Variants in BUB1 observed in about 807,000 individuals in gnomAD.
BUB1 encodes the protein mitotic checkpoint serine/threonine-protein kinase BUB1.
BUB1 carries 84 observed loss-of-function variants against 135.2 expected under a neutral mutation model. The observed-to-expected ratio is 0.62, with a 90% CI of 0.52 to 0.74. BUB1 has a LOEUF of 0.74. Ranked by LOEUF, BUB1 falls within the 30% of genes least tolerant of loss-of-function variation. The probability of loss-of-function intolerance (pLI) is 0.00; values close to 1 mark genes in which losing one functional copy is unlikely to be tolerated. For missense variants in BUB1, 1,162 were observed against 1,288.3 expected (o/e 0.90, Z 1.50); for synonymous variants, 403 against 434.4 (o/e 0.93, Z 0.90).
intron 9 of BUB1, among the ~76,000 whole-genome samples, chr2:110,664,597 T>C (rs1574330454): frequency 7.0e-6 from 1 of 141,862 alleles, no homozygotes; most frequent in Admixed American, 7.2e-5. Context: ...TTTTTTTAAA[T>C]AAGCTACTGG....
rs774731986 is a variant in BUB1, at chr2:110,669,453, C to T, written c.567G>A (p.Gln189=). 6.3e-7 allele frequency: 1 copy of T among 1,580,464 alleles called. No homozygotes were observed. The highest frequency in any genetic ancestry group is 8.7e-7 in the Non-Finnish European group (1 of 1,149,472). The stretch of plus-strand genomic sequence containing the variant: ...CACAAGCTACAAATGTCATTATTAC[C>T]TGATTCTTAGAAATGCAGGCCATGT... ...GNNMACISKN[Q]GSELSGVISS... The change falls in exon 6 of 25, where the codon CAG becomes CAA. Residue 189 remains glutamine (Q), a splice_region_variant and synonymous_variant. Transcript: ENST00000302759.
rs766131073 is a variant in BUB1 at position 110,653,464 on chromosome 2, CCAT to C, written c.1933_1935del (p.Met645del). ...AATTTTCCATCCCTTGAAGGCACCACCATGTTTTCCTCACAAGAATCCAAAGTC... is the reference window on the plus strand; with the variant it reads ...AATTTTCCATCCCTTGAAGGCACCACGTTTTCCTCACAAGAATCCAAAGTC... On this transcript the variant is annotated inframe_deletion, in exon 17 of 25. Transcript: ENST00000302759. 2 of 1,613,800 alleles carry C rather than the reference CCAT, an allele frequency of 1.2e-6. No homozygotes were observed. The highest frequency in any genetic ancestry group is 2.7e-5 in the African/African-American group (2 of 74,892).
rs1689394618 is a variant in BUB1, at chr2:110,637,562, A to C, written c.*402T>G. 6.5e-6 allele frequency: 1 copy of C among 154,314 alleles called. No homozygotes were observed. 9.6% of individuals were successfully genotyped at this position (154,314 alleles called of 1,614,324 possible). A position where few individuals can be genotyped will look rare whatever the true frequency, so the allele number is the denominator to read the frequency against. Reference sequence around the variant, plus strand: ...GGCAAGCTTTATTCATAAAAACTTGAAGTCCCTTGGAAATGTTAGGGAAGT... The same window carrying C: ...GGCAAGCTTTATTCATAAAAACTTGCAGTCCCTTGGAAATGTTAGGGAAGT... On this transcript the variant is annotated 3_prime_UTR_variant, in exon 25 of 25. Transcript: ENST00000302759.
In BUB1 at chr2:110,648,503, C is replaced by G. The variant is rs939956287; in HGVS notation, c.2347+731G>C. 6.6e-6 allele frequency among the ~76,000 whole-genome samples: 1 copy of G among 152,044 alleles called. No individual in the cohort carries two copies. The highest frequency in any genetic ancestry group is 6.6e-5 in the Admixed American group (1 of 15,248). ...TCACTGTACTACATTCGTAAAAAAC[C>G]CCACAGGATATACAACCCAAAGAGT... On this transcript the variant is annotated intron_variant, in intron 19 of 24. Coordinates refer to ENST00000302759, the MANE Select transcript of BUB1 (RefSeq NM_004336.5). This position sits in a 1 kb window ranked among gnomAD's most constrained non-coding sequence, Gnocchi z 4.2.
At chr2:110,667,490 A>C in intron 8 of BUB1, 31 bp downstream of exon 8, 1 of 1,575,460 alleles carries the variant, frequency 6.3e-7, no homozygotes, top group Non-Finnish European at 8.6e-7. Context: ...ATGTGACATA[A>C]GAATAACTAA....
intron 1 of BUB1, among the ~76,000 whole-genome samples, chr2:110,675,967 C>T (rs1690570755): frequency 6.6e-6 from 1 of 152,156 alleles, no homozygotes; most frequent in South Asian, 2.1e-4. Context: ...GCAATATTTA[C>T]TTCTAGCTAT....
intron 16 of BUB1, among the ~76,000 whole-genome samples, chr2:110,654,651 T>A (rs947366429): frequency 6.0e-5 from 9 of 148,810 alleles, no homozygotes; most frequent in South Asian, 2.1e-4. Context: ...TTTTTTTTTT[T>A]AATTAAAAGC....
chr2:110,640,000 A>C, intron 23 of BUB1, 152 bp from the exon 24 acceptor site: 1 of 715,374 alleles, frequency 1.4e-6, no homozygotes, highest in Non-Finnish European at 2.5e-6. Flanking sequence ...CCCCACTAAC[A>C]TGTCTTACTG....
intron 16 of BUB1, among the ~76,000 whole-genome samples, chr2:110,654,633 C>CTT (rs57453073): frequency 1.2e-4 from 15 of 126,992 alleles, no homozygotes; most frequent in African/African-American, 2.5e-4. Flanking sequence ...AGGCTTTAAT[C>CTT]TTTTTTTTTT....
intron 9 of BUB1, 118 bp from the exon 10 acceptor site, chr2:110,661,959 G>C: frequency 7.9e-7 from 1 of 1,262,044 alleles, no homozygotes; most frequent in Non-Finnish European, 1.1e-6. Flanking sequence ...CTTTTTCCTT[G>C]AAGTTTCCCC....
Position 110,639,859 on chromosome 2 carries a change from G to A in BUB1, c.2956-11C>T, listed in dbSNP as rs1431450243. The A allele has an allele frequency of 2.5e-6, 4 of 1,597,426 alleles. No homozygotes were observed. In the Admixed American group the frequency reaches 5.0e-5, roughly 20 times the overall value. The stretch of plus-strand genomic sequence containing the variant: ...CCCAAAGTAATCGATCTATGAAGAA[G>A]ATAGAGGTATATATGACTTAAATAG... On this transcript the variant is annotated splice_polypyrimidine_tract_variant and intron_variant, in intron 23 of 24. Transcript: ENST00000302759.
At chr2:110,651,017 G>A (rs1451821506) in intron 17 of BUB1, among the ~76,000 whole-genome samples, 2 of 152,164 alleles carry the variant, frequency 1.3e-5, no homozygotes, top group East Asian at 3.8e-4. Context: ...AATAGGTGAG[G>A]TAATACATGG....
intron 5 of BUB1, 35 bp from the exon 6 acceptor site, chr2:110,669,588 T>A: frequency 7.2e-7 from 1 of 1,381,064 alleles, no homozygotes; most frequent in Non-Finnish European, 1.0e-6. Flanking sequence ...ACGGAGAAAT[T>A]AAGGGTAAAA....
chr2:110,673,377 G>C (rs571606804), intron 3 of BUB1, among the ~76,000 whole-genome samples: 1 of 152,144 alleles, frequency 6.6e-6, no homozygotes, highest in African/African-American at 2.4e-5. Flanking sequence ...AGGGTTGTGC[G>C]AACTCTGCTT....
chr2:110,651,399 A>T (rs569595069), intron 17 of BUB1, among the ~76,000 whole-genome samples: 157 of 152,224 alleles, frequency 1.0e-3, no homozygotes, highest in East Asian at 4.2e-3. Flanking sequence ...GAAAAAAAAA[A>T]TTTTTTTAAT....
chr2:110,642,309 C>T (rs1403662343), intron 19 of BUB1, 75 bp from the exon 20 acceptor site: 3 of 1,023,448 alleles, frequency 2.9e-6, no homozygotes, highest in Non-Finnish European at 4.3e-6. Context: ...AAAGAAGTTA[C>T]AAAGACATAG....
rs140904023 is a variant in BUB1, at chr2:110,640,671, G to C, written c.2955+363C>G. Among the ~76,000 whole-genome samples, 79 of 152,270 alleles carry C rather than the reference G, an allele frequency of 5.2e-4. 1 individual carries two copies. The highest frequency in any genetic ancestry group is 1.8e-3 in the African/African-American group (75 of 41,540). On this transcript the variant is annotated intron_variant, in intron 23 of 24. Transcript: ENST00000302759. The stretch of plus-strand genomic sequence containing the variant: ...CTGGAGTGGGCATGCAGGTCTCCCT[G>C]TTATCCCTGATTTAGGAAATTGGGC...
Position 110,646,167 on chromosome 2 carries a change from CA to C in BUB1, c.2347+3066del, listed in dbSNP as rs1157342273. On this transcript the variant is annotated intron_variant, in intron 19 of 24. Transcript: ENST00000302759. ...ACATAGCGAGAACCCTATCTCTACC[CA>C]AAAAAAAAAAAAAAAAAAAAAGCTG... Among the ~76,000 whole-genome samples, 399 of 54,738 alleles carry C rather than the reference CA, an allele frequency of 7.3e-3. 2 individuals carry two copies. The highest frequency in any genetic ancestry group is 0.021 in the African/African-American group (337 of 16,318). The allele number at this position is 54,738 out of a possible 152,430, so 35.9% of individuals were successfully genotyped here.
At chr2:110,668,901 AAAG>A (rs1228070607) in intron 6 of BUB1, among the ~76,000 whole-genome samples, 1 of 152,226 alleles carries the variant, frequency 6.6e-6, no homozygotes, top group Non-Finnish European at 1.5e-5. Context: ...AAGAGACTGA[AAAG>A]AAGTCTAAAA....
Sources: gnomAD v4.1 joint callset for allele counts (sites outside exome capture counted in the v4.1 genomes callset) on GRCh38, gnomAD v4.1.1 for gene constraint, Gnocchi (gnomAD v3.1) non-coding constraint, MANE v1.5 for transcripts, NCBI Gene and HGNC (gene_info 2026-07-23, HGNC 2026-07-21) for gene names.